Variants in ROBO2 observed in about 807,000 individuals in gnomAD.
ROBO2 encodes roundabout guidance receptor 2, also known as roundabout homolog 2.
A neutral mutation model predicts 160.8 loss-of-function variants in ROBO2; 53 were observed. The ratio of observed to expected loss-of-function variants is 0.33; its 90% CI spans 0.26 to 0.41. The LOEUF (loss-of-function observed/expected upper bound fraction) is 0.41. ROBO2 is among the 10% of genes least tolerant of loss of function. ROBO2 has a pLI of 1.00. For synonymous variants in ROBO2, 664 were observed against 611.7 expected (o/e 1.09, Z -1.26); for missense variants, 1,577 against 1,722.4 (o/e 0.92, Z 1.49).
intron 2 of ROBO2, among the ~76,000 whole-genome samples, chr3:77,146,657 T>C (rs1025080012): frequency 6.7e-6 from 1 of 149,872 alleles, no homozygotes; most frequent in Non-Finnish European, 1.5e-5. Context: ...AATTCAGGTA[T>C]GCGTACAGGT....
At chr3:77,146,098 A>C (rs1041037532) in intron 2 of ROBO2, among the ~76,000 whole-genome samples, 1 of 152,174 alleles carries the variant, frequency 6.6e-6, no homozygotes, top group Admixed American at 6.5e-5. Flanking sequence ...AGCCAGAGAA[A>C]TCAAAAAGCC....
intron 2 of ROBO2, among the ~76,000 whole-genome samples, chr3:76,986,331 T>G (rs2060378846): frequency 6.6e-6 from 1 of 152,136 alleles, no homozygotes; most frequent in South Asian, 2.1e-4. Flanking sequence ...TTTAAAAATT[T>G]TTATTACTGC....
chr3:76,369,682 G>C (rs2076005412), intron 2 of ROBO2, among the ~76,000 whole-genome samples: 1 of 151,774 alleles, frequency 6.6e-6, no homozygotes, highest in Non-Finnish European at 1.5e-5. Context: ...TCTATCTTTG[G>C]TTTGTCTCTC....
intron 1 of ROBO2, among the ~76,000 whole-genome samples, chr3:77,075,832 C>G (rs762868808): frequency 1.3e-5 from 2 of 151,660 alleles, no homozygotes; most frequent in African/African-American, 2.4e-5. Context: ...TGCCCACCAC[C>G]ATGCCCGGCT....
At chr3:76,441,659 C>T (rs998875508) in intron 2 of ROBO2, among the ~76,000 whole-genome samples, 26 of 152,266 alleles carry the variant, frequency 1.7e-4, no homozygotes, top group African/African-American at 5.3e-4. Context: ...AGTGTGTATC[C>T]TCCCAGAAGA....
intron 6 of ROBO2, among the ~76,000 whole-genome samples, chr3:77,532,685 A>G (rs1341112787): frequency 6.6e-6 from 1 of 151,674 alleles, no homozygotes; most frequent in African/African-American, 2.4e-5. Context: ...TAAAATTGCA[A>G]TCATTATATA....
chr3:76,463,679 C>T (rs1426713324), intron 2 of ROBO2, among the ~76,000 whole-genome samples: 2 of 152,162 alleles, frequency 1.3e-5, no homozygotes, highest in Admixed American at 1.3e-4. Context: ...TAATCTAGGT[C>T]CTAGACACAC....
chr3:76,202,036 G>A (rs781532149), intron 2 of ROBO2, among the ~76,000 whole-genome samples: 3 of 152,150 alleles, frequency 2.0e-5, no homozygotes, highest in Non-Finnish European at 4.4e-5. Context: ...AAATAGGGAA[G>A]CACTCATGCA....
chr3:75,977,138 A>G (rs1028073891), intron 2 of ROBO2, among the ~76,000 whole-genome samples: 18 of 151,538 alleles, frequency 1.2e-4, no homozygotes, highest in Non-Finnish European at 1.2e-4. Context: ...TCAGAGAAAC[A>G]TGCTAATTAA....
At chr3:76,399,840 A>G (rs1438423460) in intron 2 of ROBO2, among the ~76,000 whole-genome samples, 1 of 151,764 alleles carries the variant, frequency 6.6e-6, no homozygotes, top group South Asian at 2.1e-4. Context: ...CAACAGAAGC[A>G]TTTTAGAAAA....
intron 2 of ROBO2, among the ~76,000 whole-genome samples, chr3:76,315,382 A>G (rs1196700956): frequency 6.6e-6 from 1 of 152,248 alleles, no homozygotes; most frequent in Non-Finnish European, 1.5e-5. Context: ...CTAAGCAAAG[A>G]AAGCCTCTCT....
chr3:77,396,746 C>T (rs988862240), intron 2 of ROBO2, among the ~76,000 whole-genome samples: 5 of 152,014 alleles, frequency 3.3e-5, no homozygotes, highest in African/African-American at 4.8e-5. Flanking sequence ...ATTAGTCAGT[C>T]AGCAAAAGTA....
intron 9 of ROBO2, among the ~76,000 whole-genome samples, chr3:77,558,661 T>C (rs566024229): frequency 2.5e-4 from 38 of 152,136 alleles, no homozygotes; most frequent in Non-Finnish European, 5.0e-4. Flanking sequence ...TTTAAACCCA[T>C]GGAAAGAACA....
intron 2 of ROBO2, among the ~76,000 whole-genome samples, chr3:77,383,657 G>A (rs1207409100): frequency 6.6e-6 from 1 of 152,046 alleles, no homozygotes; most frequent in East Asian, 1.9e-4. Flanking sequence ...TAGATATATT[G>A]ATTTTAACCT....
chr3:76,215,684 T>C (rs1703471840), intron 2 of ROBO2, among the ~76,000 whole-genome samples: 1 of 152,302 alleles, frequency 6.6e-6, no homozygotes, highest in Admixed American at 6.5e-5. Context: ...CTATGTCTAA[T>C]TGGTGTACCT....
chr3:76,989,972 G>A (rs2149365179), intron 2 of ROBO2, among the ~76,000 whole-genome samples: 1 of 152,108 alleles, frequency 6.6e-6, no homozygotes, highest in East Asian at 1.9e-4. Context: ...ATTAAACCTA[G>A]GGCTTTAATT....
At chr3:76,768,517 C>T (rs1382397399) in intron 2 of ROBO2, among the ~76,000 whole-genome samples, 1 of 151,186 alleles carries the variant, frequency 6.6e-6, no homozygotes, top group African/African-American at 2.4e-5. Context: ...GAAATTTTAG[C>T]ACGTTTTGTT....
Position 77,494,473 on chromosome 3 carries a change from G to T in ROBO2, c.806+1091G>T, listed in dbSNP as rs535665924. Among the ~76,000 whole-genome samples, 5 of 152,240 alleles carry T rather than the reference G, an allele frequency of 3.3e-5. No homozygotes were observed. In the East Asian group the frequency reaches 5.8e-4, roughly 18 times the overall value. On this transcript the variant is annotated intron_variant, in intron 5 of 25. Coordinates refer to ENST00000461745, the Ensembl canonical transcript of ROBO2. ...CATACCTGTAATCCCAGCTACTCGGGAGGCTGAGTCTGGAGAATTGCTTGA... is the reference window on the plus strand; with the variant it reads ...CATACCTGTAATCCCAGCTACTCGGTAGGCTGAGTCTGGAGAATTGCTTGA...
chr3:76,982,274 T>A (rs1319619208), intron 2 of ROBO2, among the ~76,000 whole-genome samples: 1 of 152,178 alleles, frequency 6.6e-6, no homozygotes, highest in East Asian at 1.9e-4. Flanking sequence ...AAGGTTCCAA[T>A]TTTGTTCTGT....
Sources: gnomAD v4.1 joint callset for allele counts (sites outside exome capture counted in the v4.1 genomes callset) on GRCh38, gnomAD v4.1.1 for gene constraint, MANE v1.5 for transcripts, NCBI Gene and HGNC (gene_info 2026-07-23, HGNC 2026-07-21) for gene names.